Variants in POLR1A observed in about 807,000 individuals in gnomAD.
POLR1A encodes the protein RNA polymerase I subunit A.
In POLR1A, 84 loss-of-function variants were observed where a neutral mutation model predicts 205.3. The observed-to-expected ratio is 0.41, with a 90% CI of 0.34 to 0.49. The LOEUF (loss-of-function observed/expected upper bound fraction) is 0.49, where lower values mean the gene tolerates loss of function less well. Ranked by LOEUF, POLR1A falls within the 20% of genes least tolerant of loss-of-function variation. POLR1A has a pLI of 0.22. For missense variants in POLR1A, 1,645 were observed against 2,204.5 expected (o/e 0.75, Z 5.08); for synonymous variants, 799 against 863.7 (o/e 0.93, Z 1.31).
chr2:86,029,205 T>C (rs971352465), intron 31 of POLR1A, among the ~76,000 whole-genome samples: 1 of 152,154 alleles, frequency 6.6e-6, no homozygotes, highest in Non-Finnish European at 1.5e-5. Context: ...TCTTGGCAGG[T>C]GCCAATCCTC....
At chr2:86,079,009 G>A (rs973606760) in intron 9 of POLR1A, among the ~76,000 whole-genome samples, 2 of 152,146 alleles carry the variant, frequency 1.3e-5, no homozygotes, top group African/African-American at 2.4e-5. Flanking sequence ...AATCGACTGG[G>A]TATGACACAA....
In POLR1A at chr2:86,048,131, C is replaced by T. The variant is rs574086753; in HGVS notation, c.2634+753G>A. On this transcript the variant is annotated intron_variant, in intron 18 of 33. Coordinates refer to ENST00000263857, the MANE Select transcript of POLR1A (RefSeq NM_015425.6). ...AAGCCAGGCAAGAGAGCACTACAGA[C>T]GAACTTTGACTTTTGATGAGTGTTG... Among the ~76,000 whole-genome samples the T allele has an allele frequency of 3.3e-5, 5 of 152,304 alleles. No homozygotes were observed. In the South Asian group the frequency reaches 6.2e-4, roughly 19 times the overall value.
rs745867008 is a variant in POLR1A, at chr2:86,027,383, A to G, written c.*40T>C. ...AGGCAGGCTGGGCCACGCCCTCACC[A>G]AGGGTCCTTGGAGCTGGGCAGATGG... On this transcript the variant is annotated 3_prime_UTR_variant, in exon 34 of 34. Transcript: ENST00000263857. 6.5e-7 allele frequency: 1 copy of G among 1,537,868 alleles called. No individual in the cohort carries two copies. The highest frequency in any genetic ancestry group is 1.1e-5 in the South Asian group (1 of 89,602).
intron 23 of POLR1A, 77 bp downstream of exon 23, chr2:86,042,897 A>G: frequency 9.8e-7 from 1 of 1,023,676 alleles, no homozygotes; most frequent in Non-Finnish European, 1.5e-6. Context: ...TTCTCTTAGG[A>G]AAACAGCCCC....
chr2:86,096,934 G>A (rs895530051), intron 3 of POLR1A, among the ~76,000 whole-genome samples: 14 of 151,924 alleles, frequency 9.2e-5, no homozygotes, highest in African/African-American at 4.8e-5. Context: ...GACAACCTAC[G>A]GAATAGGAGA....
chr2:86,060,906 A>G (rs925098926), intron 14 of POLR1A, among the ~76,000 whole-genome samples: 6 of 152,338 alleles, frequency 3.9e-5, no homozygotes, highest in African/African-American at 1.2e-4. Flanking sequence ...TGCAATGTAT[A>G]TATCTGCTAA....
Position 86,039,332 on chromosome 2 carries a change from C to G in POLR1A, c.3871G>C (p.Gly1291Arg), listed in dbSNP as rs1437606603. ...CTGGGAAGGAGAGACGTTACCTCCCCCAAGCACACCCTGGTGAGTTGCTTC... is the reference window on the plus strand; with the variant it reads ...CTGGGAAGGAGAGACGTTACCTCCCGCAAGCACACCCTGGTGAGTTGCTTC... Reference protein sequence around the residue: ...LKKQLTRVCLGEVLQKIDVQE... With the variant: ...LKKQLTRVCLREVLQKIDVQE... The change falls in exon 26 of 34, where the codon GGG becomes CGG. Residue 1291 changes from glycine to arginine, a missense_variant. Gly to Arg is a moderately radical substitution (Grantham distance 125). Coordinates refer to ENST00000263857, the MANE Select transcript of POLR1A (RefSeq NM_015425.6). 22 of 1,613,934 alleles carry G rather than the reference C, an allele frequency of 1.4e-5. No homozygotes were observed. The highest frequency in any genetic ancestry group is 1.8e-5 in the Non-Finnish European group (21 of 1,179,996).
At chr2:86,063,147 C>G (rs1189954544) in intron 14 of POLR1A, among the ~76,000 whole-genome samples, 1 of 151,970 alleles carries the variant, frequency 6.6e-6, no homozygotes, top group Non-Finnish European at 1.5e-5. Flanking sequence ...CCCAGCCTGA[C>G]CAACATGGAG....
At chr2:86,076,178 T>A (rs563034404) in intron 11 of POLR1A, among the ~76,000 whole-genome samples, 1 of 152,358 alleles carries the variant, frequency 6.6e-6, no homozygotes, top group South Asian at 2.1e-4. Flanking sequence ...CTGAATATTA[T>A]AAACCTCTAA....
Position 86,105,761 on chromosome 2 carries a change from T to C in POLR1A, c.16A>G (p.Asn6Asp), listed in dbSNP as rs1673916376. ...CCCTGCAGCCGCCGCCAGGGCATGTTCTTGGAGATCAACATCCTCCAGGTC... is the reference window on the plus strand; with the variant it reads ...CCCTGCAGCCGCCGCCAGGGCATGTCCTTGGAGATCAACATCCTCCAGGTC... MLISK[N>D]MPWRRLQGIS... Residue 6 changes from asparagine to aspartate, a missense_variant, in exon 1 of 34, where the codon AAC becomes GAC. Asn to Asp is a conservative substitution (Grantham distance 23). This residue lies in a region of POLR1A where 330 missense variants were observed against 375.6 expected (regional missense o/e 0.88). Transcript: ENST00000263857. The C allele has an allele frequency of 6.2e-7, 1 of 1,613,952 alleles. No homozygotes were observed. Among genetic ancestry groups the C allele is most frequent in the Admixed American group, 1.7e-5 (1 of 60,010 alleles).
At chr2:86,064,387 G>C (rs1673050377) in intron 14 of POLR1A, among the ~76,000 whole-genome samples, 3 of 152,116 alleles carry the variant, frequency 2.0e-5, no homozygotes, top group South Asian at 2.1e-4. Context: ...TGGATACTCA[G>C]GCAACAGCAG....
chr2:86,059,575 A>AT (rs1199534718), intron 14 of POLR1A, among the ~76,000 whole-genome samples: 2 of 151,824 alleles, frequency 1.3e-5, no homozygotes, highest in African/African-American at 2.4e-5. Context: ...TATTTCTTTT[A>AT]TTTTTTTTGA....
chr2:86,092,126 T>A (rs1673617667), intron 3 of POLR1A, among the ~76,000 whole-genome samples: 1 of 151,732 alleles, frequency 6.6e-6, no homozygotes, highest in Non-Finnish European at 1.5e-5. Context: ...AAAAAATAAA[T>A]AAATAAAAAT....
At chr2:86,081,367 G>C (rs1357255806) in intron 8 of POLR1A, among the ~76,000 whole-genome samples, 1 of 152,134 alleles carries the variant, frequency 6.6e-6, no homozygotes, top group Non-Finnish European at 1.5e-5. Flanking sequence ...CTGCACTCCA[G>C]CCTGGGAGAC....
In POLR1A at chr2:86,048,923, G is replaced by A. The variant is rs1303659157; in HGVS notation, c.2595C>T (p.Phe865=). 1 of 1,614,046 alleles carries A rather than the reference G, an allele frequency of 6.2e-7. No homozygotes were observed. Among genetic ancestry groups the A allele is most frequent in the African/African-American group, 1.3e-5 (1 of 74,954 alleles). Residue 865 remains phenylalanine, a synonymous_variant, in exon 18 of 34, where the codon TTC becomes TTT. Transcript: ENST00000263857. ...QRDFNMIDLK[F]KEEVNHYSNE... ...TGCTGTAATGGTTCACTTCCTCCTT[G>A]AACTTCAGATCAATCATGTTAAAAT...
intron 1 of POLR1A, among the ~76,000 whole-genome samples, chr2:86,103,124 A>G (rs1673852801): frequency 6.6e-6 from 1 of 152,240 alleles, no homozygotes; most frequent in Admixed American, 6.5e-5. Flanking sequence ...AGTCTGTTAG[A>G]CGGCAGAAAG....
At chr2:86,044,376 G>C in intron 21 of POLR1A, 72 bp from the exon 22 acceptor site, 1 of 1,535,170 alleles carries the variant, frequency 6.5e-7, no homozygotes, top group Non-Finnish European at 9.0e-7. Flanking sequence ...TGAGGGTTGG[G>C]GGCAGTGGAG....
At chr2:86,049,108 GCA>G in intron 17 of POLR1A, 50 bp downstream of exon 17, 2 of 1,608,662 alleles carry the variant, frequency 1.2e-6, no homozygotes, top group Non-Finnish European at 1.7e-6. Flanking sequence ...TTTTGACTCA[GCA>G]CACACTTCAC....
chr2:86,044,457 G>A (rs1469314687), intron 21 of POLR1A, 153 bp from the exon 22 acceptor site: 4 of 741,472 alleles, frequency 5.4e-6, no homozygotes, highest in Non-Finnish European at 8.6e-6. Context: ...AATGCCCCGG[G>A]GTCTGGGCTT....
Sources: allele counts gnomAD v4.1 joint callset (sites outside exome capture counted in the v4.1 genomes callset), GRCh38; gene constraint gnomAD v4.1.1; regional missense constraint gnomAD v4.1.1; transcripts MANE v1.5; gene names NCBI Gene and HGNC (gene_info 2026-07-23, HGNC 2026-07-21).